Variants in SLC1A1 observed in about 807,000 individuals in gnomAD.
SLC1A1 encodes excitatory amino acid transporter 3.
A neutral mutation model predicts 53.3 loss-of-function variants in SLC1A1; 43 were observed. The observed-to-expected ratio is 0.81, with a 90% confidence interval of 0.63 to 1.04. SLC1A1 has a LOEUF of 1.04. Among genes scored for constraint, SLC1A1 ranks in the 50% least tolerant of loss-of-function variants. SLC1A1 has a pLI of 0.00. For synonymous variants in SLC1A1, 307 were observed against 243.2 expected, an observed-to-expected ratio of 1.26 and a Z score of -2.44; for missense variants, 748 against 664.9, an observed-to-expected ratio of 1.12 and a Z score of -1.37.
intron 1 of SLC1A1, among the ~76,000 whole-genome samples, chr9:4,501,447 A>T (rs1416445230): frequency 2.0e-5 from 3 of 151,654 alleles, no homozygotes; most frequent in African/African-American, 7.3e-5. Flanking sequence ...CTATTTGGGT[A>T]TAACACTTCC....
chr9:4,547,954 A>C (rs974485495), intron 2 of SLC1A1, among the ~76,000 whole-genome samples: 4 of 152,242 alleles, frequency 2.6e-5, no homozygotes, highest in African/African-American at 9.6e-5. Flanking sequence ...TATACAATCC[A>C]AATTTTATTA....
Position 4,544,476 on chromosome 9 carries a change from A to T in SLC1A1, c.92-91A>T, listed in dbSNP as rs1028993194. On this transcript the variant is annotated intron_variant, in intron 1 of 11. Transcript: ENST00000262352. ...CTAAACTATTTTTCTTGCCATTAAAATGTGCATTTGGGAGTATTTTTCCAT... is the reference window on the plus strand; with the variant it reads ...CTAAACTATTTTTCTTGCCATTAAATTGTGCATTTGGGAGTATTTTTCCAT... The T allele has an allele frequency of 2.9e-5, 32 of 1,104,066 alleles. 1 individual carries two copies. The Admixed American group carries it at 3.2e-4, about 11-fold the overall frequency. 68.4% of individuals were successfully genotyped at this position (1,104,066 alleles called of 1,614,324 possible). A position where few individuals can be genotyped will look rare whatever the true frequency, so the allele number is the denominator to read the frequency against.
At chr9:4,576,241 T>C in intron 9 of SLC1A1, 118 bp downstream of exon 9, 1 of 976,780 alleles carries the variant, frequency 1.0e-6, no homozygotes, top group Non-Finnish European at 1.6e-6. Context: ...AGAAATGACC[T>C]CCGTATTCTC....
At chr9:4,557,101 G>C (rs150245099) in intron 2 of SLC1A1, among the ~76,000 whole-genome samples, 1 of 152,296 alleles carries the variant, frequency 6.6e-6, no homozygotes, top group South Asian at 2.1e-4. Context: ...CCCAGAAATG[G>C]ATCTTTGAAA....
chr9:4,587,236 T>C lies in SLC1A1; in HGVS notation c.*1678T>C, dbSNP rs756878466. 3.3e-5 allele frequency: 5 copies of C among 152,356 alleles called. No homozygotes were observed. Among genetic ancestry groups the C allele is most frequent in the Admixed American group, 6.5e-5 (1 of 15,282 alleles). The allele number at this position is 152,356 out of a possible 1,614,324, so 9.4% of individuals were successfully genotyped here. ...AAAATGCAAATATTGCTATTGTTTA[T>C]AGGAAATAAATCTAAATATAAATGA... On this transcript the variant is annotated 3_prime_UTR_variant, in exon 12 of 12. Coordinates refer to ENST00000262352, the MANE Select transcript of SLC1A1 (RefSeq NM_004170.6).
At chr9:4,544,938 C>T (rs377167487) in intron 2 of SLC1A1, among the ~76,000 whole-genome samples, 9 of 152,026 alleles carry the variant, frequency 5.9e-5, no homozygotes, top group East Asian at 5.8e-4. Flanking sequence ...AGGAAGAGCC[C>T]GTTATAAAAC....
intron 1 of SLC1A1, among the ~76,000 whole-genome samples, chr9:4,511,347 G>C (rs1243044330): frequency 6.6e-6 from 1 of 152,104 alleles, no homozygotes; most frequent in Non-Finnish European, 1.5e-5. Context: ...CAGTGGAAGT[G>C]GCAAGGCAGC....
At chr9:4,551,299 C>T (rs1294935819) in intron 2 of SLC1A1, among the ~76,000 whole-genome samples, 3 of 152,042 alleles carry the variant, frequency 2.0e-5, no homozygotes, top group Admixed American at 6.5e-5. Context: ...TGAAAAGAAC[C>T]ATGCCACGTG....
intron 10 of SLC1A1, among the ~76,000 whole-genome samples, chr9:4,579,807 T>C (rs1259943902): frequency 6.6e-6 from 1 of 152,192 alleles, no homozygotes; most frequent in Non-Finnish European, 1.5e-5. Flanking sequence ...GAAACATAGG[T>C]ACCATCTACC....
chr9:4,500,832 T>C (rs1343568473), intron 1 of SLC1A1, among the ~76,000 whole-genome samples: 6 of 152,330 alleles, frequency 3.9e-5, no homozygotes, highest in East Asian at 1.9e-4. Context: ...GAATATTTCC[T>C]TTCCAATAAA....
chr9:4,565,919 G>GCAAA (rs1564048691), intron 4 of SLC1A1, 128 bp from the exon 5 acceptor site: 1 of 785,734 alleles, frequency 1.3e-6, no homozygotes, highest in African/African-American at 1.7e-5. Flanking sequence ...GAAGTATTAC[G>GCAAA]CAAAGCAGGG....
chr9:4,529,783 T>C (rs116376304), intron 1 of SLC1A1, among the ~76,000 whole-genome samples: 3,669 of 152,238 alleles, frequency 0.024, 156 homozygotes, highest in African/African-American at 0.085. Context: ...CTTCACAAAG[T>C]ACTGGAATTA....
chr9:4,577,187 G>A (rs546417946), intron 10 of SLC1A1, among the ~76,000 whole-genome samples: 55 of 152,334 alleles, frequency 3.6e-4, no homozygotes, highest in South Asian at 8.3e-4. Context: ...GAAGGTGAAC[G>A]ATGGCTTCCC....
chr9:4,552,676 C>T (rs934338467), intron 2 of SLC1A1, among the ~76,000 whole-genome samples: 1 of 152,000 alleles, frequency 6.6e-6, no homozygotes, highest in Non-Finnish European at 1.5e-5. Context: ...GTTAAGAGTA[C>T]AGACAGGAGC....
intron 1 of SLC1A1, among the ~76,000 whole-genome samples, chr9:4,521,219 C>A (rs753730626): frequency 6.6e-6 from 1 of 152,160 alleles, no homozygotes. Context: ...AATTGCAAAG[C>A]AACATTTTTC....
At position 4,583,597 on chromosome 9, in the gene SLC1A1, T is replaced by C. The variant is rs1821303127; in HGVS notation, c.1328+425T>C. On this transcript the variant is annotated intron_variant, in intron 11 of 11. Coordinates refer to ENST00000262352, the MANE Select transcript of SLC1A1 (RefSeq NM_004170.6). This position sits in a 1 kb window ranked among gnomAD's most constrained non-coding sequence, Gnocchi z 4.6. ...CCATCAGGGACAGTGGCACAAGCAC[T>C]TGGGTTTGAATCTCCGTCCTGTGTC... is the stretch of plus-strand genomic sequence containing the variant. Among the ~76,000 whole-genome samples, 1 of 152,144 alleles carries C rather than the reference T, an allele frequency of 6.6e-6. No homozygotes were observed. The highest frequency in any genetic ancestry group is 2.4e-5 in the African/African-American group (1 of 41,426).
chr9:4,528,333 G>A (rs1029856660), intron 1 of SLC1A1, among the ~76,000 whole-genome samples: 2 of 152,180 alleles, frequency 1.3e-5, no homozygotes, highest in South Asian at 2.1e-4. Context: ...AGCACTTTGG[G>A]AGGCCGAGGC....
At chr9:4,571,493 C>T (rs1166160001) in intron 6 of SLC1A1, among the ~76,000 whole-genome samples, 2 of 152,070 alleles carry the variant, frequency 1.3e-5, no homozygotes, top group South Asian at 2.1e-4. Context: ...CTGGCCAACA[C>T]GGCGAAACCC....
At position 4,510,653 on chromosome 9, in the gene SLC1A1, C is replaced by A. The variant is rs114844028; in HGVS notation, c.91+19883C>A. Among the ~76,000 whole-genome samples, 272 of 152,300 alleles carry A rather than the reference C, an allele frequency of 1.8e-3. 1 individual carries two copies. Among genetic ancestry groups the A allele is most frequent in the African/African-American group, 6.4e-3 (265 of 41,568 alleles). On this transcript the variant is annotated intron_variant, in intron 1 of 11. Transcript: ENST00000262352. ...CCTGGTGTTGATACAGCTGCCAGCA[C>A]AGGTCAAGGTTTCTTTTTCCCAGTT...
Sources: allele counts gnomAD v4.1 joint callset (sites outside exome capture counted in the v4.1 genomes callset), GRCh38; gene constraint gnomAD v4.1.1; non-coding constraint Gnocchi (gnomAD v3.1); transcripts MANE v1.5; gene names NCBI Gene and HGNC (gene_info 2026-07-23, HGNC 2026-07-21).